Variants in ANGPTL4 observed in about 807,000 individuals in gnomAD.
ANGPTL4 encodes angiopoietin-related protein 4.
ANGPTL4 carries 39 observed loss-of-function variants against 39.2 expected under a neutral mutation model. The ratio of observed to expected loss-of-function variants is 1.00; its 90% CI spans 0.77 to 1.30. The LOEUF (loss-of-function observed/expected upper bound fraction) is 1.30, where lower values mean the gene tolerates loss of function less well. Among genes scored for constraint, ANGPTL4 ranks in the 50% most tolerant of loss-of-function variants. The pLI, the probability that ANGPTL4 is intolerant of heterozygous loss-of-function variation, is 0.00. For missense variants in ANGPTL4, 545 were observed against 549.8 expected (o/e 0.99, Z 0.09); for synonymous variants, 233 against 229.5 (o/e 1.02, Z -0.14).
rs529138023 is a variant in ANGPTL4, at chr19:8,372,355, G to A, written c.1039+833G>A. On this transcript the variant is annotated intron_variant, in intron 6 of 6. Coordinates refer to ENST00000301455, the MANE Select transcript of ANGPTL4 (RefSeq NM_139314.3). ...ATTACAGGCGTGAGCCACAATACCC[G>A]GCCACAAACATCTTTATAATGGTGC... Among the ~76,000 whole-genome samples, 8 of 151,346 alleles carry A rather than the reference G, an allele frequency of 5.3e-5. No homozygotes were observed. In the South Asian group the frequency reaches 6.3e-4, roughly 12 times the overall value.
Position 8,369,223 on chromosome 19 carries a change from G to A in ANGPTL4, c.552G>A (p.Leu184=), listed in dbSNP as rs761691527. 21 of 1,610,154 alleles carry A rather than the reference G, an allele frequency of 1.3e-5. No homozygotes were observed. The highest frequency in any genetic ancestry group is 3.3e-5 in the Admixed American group (2 of 59,760). The change falls in exon 4 of 7, where the codon CTG becomes CTA. Residue 184 remains leucine, a synonymous_variant. Transcript: ENST00000301455. ...PAHNVSRLHR[L]PRDCQELFQV... The stretch of plus-strand genomic sequence containing the variant: ...CTCCACTTTATCTCCCTTCAGGGCT[G>A]CCCAGGGATTGCCAGGAGCTGTTCC...
rs1229656578 is a variant in ANGPTL4 at position 8,364,615 on chromosome 19, C to T, written c.294C>T (p.Asp98=). Residue 98 remains aspartate, a synonymous_variant, in exon 1 of 7, where the codon GAC becomes GAT. Coordinates refer to ENST00000301455, the MANE Select transcript of ANGPTL4 (RefSeq NM_139314.3). ...DLPLAPESRV[D]PEVLHSLQTQ... ...CGTTAGCCCCTGAGAGCCGGGTGGA[C>T]CCTGAGGTCCTTCACAGCCTGCAGG... is the stretch of plus-strand genomic sequence containing the variant. The T allele has an allele frequency of 1.9e-6, 3 of 1,591,920 alleles. No individual in the cohort carries two copies. In the South Asian group the frequency reaches 3.4e-5, roughly 18 times the overall value.
Position 8,364,573 on chromosome 19 carries a change from G to C in ANGPTL4, c.252G>C (p.Glu84Asp). Residue 84 changes from glutamate (E) to aspartate (D), a missense_variant, in exon 1 of 7, where the codon GAG (glutamate) becomes GAC (aspartate). Physicochemically the swap from Glu to Asp is conservative, Grantham distance 45. Transcript: ENST00000301455. ...GCGGGTCCGCCTGTCAGGGAACCGA[G>C]GGGTCCACCGACCTCCCGTTAGCCC... Reference protein sequence around the residue: ...SACGSACQGTEGSTDLPLAPE... With the variant: ...SACGSACQGTDGSTDLPLAPE... 1 of 1,586,862 alleles carries C rather than the reference G, an allele frequency of 6.3e-7. No individual in the cohort carries two copies. The highest frequency in any genetic ancestry group is 8.6e-7 in the Non-Finnish European group (1 of 1,168,152).
chr19:8,364,885 A>C (rs1411193809), intron 1 of ANGPTL4, among the ~76,000 whole-genome samples: 1 of 150,456 alleles, frequency 6.6e-6, no homozygotes, highest in East Asian at 1.9e-4. Flanking sequence ...ACACACACAC[A>C]AAATAAATAA....
intron 6 of ANGPTL4, among the ~76,000 whole-genome samples, chr19:8,373,071 C>T (rs1255198236): frequency 2.0e-5 from 3 of 152,150 alleles, no homozygotes; most frequent in Non-Finnish European, 4.4e-5. Flanking sequence ...GAGTTCAAAA[C>T]TAGCCTGGCC....
At chr19:8,368,262 C>T (rs1971046795) in intron 3 of ANGPTL4, among the ~76,000 whole-genome samples, 1 of 152,064 alleles carries the variant, frequency 6.6e-6, no homozygotes, top group Admixed American at 6.6e-5. Context: ...GATCCGCCCG[C>T]CTCCCAAAGT....
Position 8,371,407 on chromosome 19 carries a change from G to A in ANGPTL4, c.924G>A (p.Val308=). The part of the protein sequence containing the change: ...TAYSLQLTAP[V]AGQLGATTVP... ...ATAGCCTGCAGCTCACTGCACCCGTGGCCGGCCAGCTGGGCGCCACCACCG... is the reference window on the plus strand; with the variant it reads ...ATAGCCTGCAGCTCACTGCACCCGTAGCCGGCCAGCTGGGCGCCACCACCG... The change falls in exon 6 of 7, where the codon GTG becomes GTA. Residue 308 remains valine, a synonymous_variant. Coordinates refer to ENST00000301455, the MANE Select transcript of ANGPTL4 (RefSeq NM_139314.3). The surrounding 1 kb of genome is among the most constrained non-coding windows in gnomAD (Gnocchi z 5.1). 6.2e-7 allele frequency: 1 copy of A among 1,613,440 alleles called. No individual in the cohort carries two copies. The highest frequency in any genetic ancestry group is 8.5e-7 in the Non-Finnish European group (1 of 1,180,000).
intron 1 of ANGPTL4, among the ~76,000 whole-genome samples, chr19:8,365,449 G>A (rs968648282): frequency 4.6e-5 from 7 of 151,976 alleles, no homozygotes; most frequent in Non-Finnish European, 7.4e-5. Flanking sequence ...TTGCACTCCA[G>A]CCTGGGCGAC....
rs774154527 is a variant in ANGPTL4 at position 8,364,493 on chromosome 19, C to T, written c.172C>T (p.His58Tyr). ...GCAGCTCGGCCAGGGGCTGCGCGAA[C>T]ACGCGGAGCGCACCCGCAGTCAGCT... The part of the protein sequence containing the change: ...LLQLGQGLRE[H>Y]AERTRSQLSA... The change falls in exon 1 of 7, where the codon CAC becomes TAC. Residue 58 changes from histidine to tyrosine, a missense_variant. Transcript: ENST00000301455. 5.1e-6 allele frequency: 8 copies of T among 1,564,786 alleles called. No homozygotes were observed. Among genetic ancestry groups the T allele is most frequent in the East Asian group, 2.4e-5 (1 of 42,394 alleles).
chr19:8,373,509 T>A (rs1190453724), intron 6 of ANGPTL4, 196 bp from the exon 7 acceptor site: 1 of 182,450 alleles, frequency 5.5e-6, no homozygotes, highest in Non-Finnish European at 1.0e-5. Flanking sequence ...AGACGGAGGT[T>A]GCAGTGAGCT....
At position 8,366,310 on chromosome 19, in the gene ANGPTL4, C is replaced by A; in HGVS notation, c.538C>A (p.Arg180Ser). The change falls in exon 3 of 7, where the codon CGC becomes AGC. Residue 180 changes from arginine (R) to serine (S), a missense_variant. Physicochemically the swap from Arg to Ser is moderately radical, Grantham distance 110. Coordinates refer to ENST00000301455, the MANE Select transcript of ANGPTL4 (RefSeq NM_139314.3). ...QPVDPAHNVS[R>S]LHRLPRDCQE... ...AGTTGACCCGGCTCACAATGTCAGC[C>A]GCCTGCACCGTGAGTGTCTGCCCCT... The A allele has an allele frequency of 6.2e-7, 1 of 1,613,604 alleles. No individual in the cohort carries two copies. The highest frequency in any genetic ancestry group is 8.5e-7 in the Non-Finnish European group (1 of 1,179,992).
In ANGPTL4 at chr19:8,371,497, C is replaced by A. The variant is rs780121474; in HGVS notation, c.1014C>A (p.Asp338Glu). 37 of 1,613,008 alleles carry A rather than the reference C, an allele frequency of 2.3e-5. No individual in the cohort carries two copies. In the African/African-American group the frequency reaches 4.1e-4, roughly 18 times the overall value. Residue 338 changes from aspartate to glutamate, a missense_variant, in exon 6 of 7, where the codon GAC becomes GAA. Asp to Glu is a conservative substitution (Grantham distance 45, BLOSUM62 2). Coordinates refer to ENST00000301455, the MANE Select transcript of ANGPTL4 (RefSeq NM_139314.3). The surrounding 1 kb of genome is among the most constrained non-coding windows in gnomAD (Gnocchi z 5.1). ...TWDQDHDLRRDKNCAKSLSGG... is the reference protein window; with the variant it reads ...TWDQDHDLRREKNCAKSLSGG... ...ACCAGGATCACGACCTCCGCAGGGA[C>A]AAGAACTGCGCCAAGAGCCTCTCTG...
intron 6 of ANGPTL4, among the ~76,000 whole-genome samples, chr19:8,373,106 TA>T (rs1481411327): frequency 3.3e-5 from 5 of 152,174 alleles, no homozygotes; most frequent in African/African-American, 1.2e-4. Context: ...CTGTCTCTAC[TA>T]AAAATACAAA....
rs1199490680 is a variant in ANGPTL4, at chr19:8,373,817, G to A, written c.1152G>A (p.Arg384=). ...LKKGIFWKTW[R]GRYYPLQATT... is the part of the protein sequence containing the mutation. ...AGGGAATCTTCTGGAAGACCTGGCG[G>A]GGCCGCTACTACCCGCTGCAGGCCA... is the stretch of plus-strand genomic sequence containing the variant. The change falls in exon 7 of 7, where the codon CGG becomes CGA. Residue 384 remains arginine (R), a synonymous_variant. Coordinates refer to ENST00000301455, the MANE Select transcript of ANGPTL4 (RefSeq NM_139314.3). 1 of 1,613,786 alleles carries A rather than the reference G, an allele frequency of 6.2e-7. No individual in the cohort carries two copies. Among genetic ancestry groups the A allele is most frequent in the Non-Finnish European group, 8.5e-7 (1 of 1,180,012 alleles).
intron 3 of ANGPTL4, among the ~76,000 whole-genome samples, chr19:8,367,014 C>G (rs1187218520): frequency 6.6e-6 from 1 of 151,866 alleles, no homozygotes; most frequent in Non-Finnish European, 1.5e-5. Context: ...TCGCGGTTCT[C>G]TAAGTTCACG....
chr19:8,367,254 A>G (rs72996747), intron 3 of ANGPTL4, among the ~76,000 whole-genome samples: 7,358 of 149,484 alleles, frequency 0.049, 290 homozygotes, highest in Admixed American at 0.11. Flanking sequence ...GGTCCTGTCC[A>G]CCCTCCCAAA....
At position 8,372,589 on chromosome 19, in the gene ANGPTL4, A is replaced by G. The variant is rs573674636; in HGVS notation, c.1039+1067A>G. Among the ~76,000 whole-genome samples, 17 of 151,438 alleles carry G rather than the reference A, an allele frequency of 1.1e-4. No individual in the cohort carries two copies. In the South Asian group the frequency reaches 3.5e-3, roughly 32 times the overall value. ...TGAAGCGAGTGGATCACTTGAGCCC[A>G]GGAGACCAATCTGAGCAACAGGGCG... On this transcript the variant is annotated intron_variant, in intron 6 of 6. Transcript: ENST00000301455.
At chr19:8,367,305 G>A (rs895983197) in intron 3 of ANGPTL4, among the ~76,000 whole-genome samples, 9 of 152,172 alleles carry the variant, frequency 5.9e-5, no homozygotes, top group Non-Finnish European at 1.0e-4. Context: ...GGGTGACGGG[G>A]GAAGGCACAA....
At chr19:8,366,416 ATGTCC>A (rs925346065) in intron 3 of ANGPTL4, 97 bp downstream of exon 3, 477 of 1,361,782 alleles carry the variant, frequency 3.5e-4, no homozygotes, top group Non-Finnish European at 4.6e-4. Flanking sequence ...TAAGGAGAAG[ATGTCC>A]TGGCCTGGAG....
Sources: gnomAD v4.1 joint callset for allele counts (sites outside exome capture counted in the v4.1 genomes callset) on GRCh38, gnomAD v4.1.1 for gene constraint, Gnocchi (gnomAD v3.1) non-coding constraint, MANE v1.5 for transcripts, NCBI Gene and HGNC (gene_info 2026-07-23, HGNC 2026-07-21) for gene names.